KIF26B: variants seen among roughly 807,000 people sequenced by gnomAD.
The protein encoded by KIF26B is kinesin family member 26B, also known as kinesin-like protein KIF26B.
A neutral mutation model predicts 151.2 loss-of-function variants in KIF26B; 63 were observed. That is an observed-to-expected ratio of 0.42 (90% confidence interval 0.34 to 0.51). The LOEUF is 0.51. KIF26B is among the 20% of genes least tolerant of loss of function. The pLI, the probability that KIF26B is intolerant of heterozygous loss-of-function variation, is 0.07. For missense variants in KIF26B, 2,813 were observed against 2,913.6 expected (o/e 0.97, Z 0.79); for synonymous variants, 1,357 against 1,262.1 (o/e 1.08, Z -1.59).
intron 9 of KIF26B, among the ~76,000 whole-genome samples, chr1:245,635,492 A>G (rs959191258): frequency 6.6e-6 from 1 of 152,052 alleles, no homozygotes; most frequent in African/African-American, 2.4e-5. Context: ...GATATTGATC[A>G]TTTGTGTCTT....
chr1:245,501,940 A>G (rs958709147), intron 4 of KIF26B, among the ~76,000 whole-genome samples: 15 of 152,290 alleles, frequency 9.8e-5, no homozygotes, highest in African/African-American at 3.6e-4. Context: ...TACCATCTAT[A>G]TAATAATCTG....
Position 245,224,484 on chromosome 1 carries a change from C to T in KIF26B, c.465+67801C>T, listed in dbSNP as rs553993957. ...GACCAACTACAGTTATTCAGGTTTG[C>T]GTATGTGGCAGTGAAGCTGTCACTT... On this transcript the variant is annotated intron_variant, in intron 2 of 14. Transcript: ENST00000407071. 2.5e-4 allele frequency among the ~76,000 whole-genome samples: 38 copies of T among 152,288 alleles called. No individual in the cohort carries two copies. The South Asian group carries it at 7.3e-3, about 29-fold the overall frequency.
At chr1:245,548,277 T>C (rs1382859488) in intron 5 of KIF26B, among the ~76,000 whole-genome samples, 1 of 147,626 alleles carries the variant, frequency 6.8e-6, no homozygotes, top group African/African-American at 2.5e-5. Context: ...CACAATGTGG[T>C]TGAACTTAAA....
chr1:245,384,412 C>A (rs1673491110), intron 3 of KIF26B, among the ~76,000 whole-genome samples: 1 of 152,284 alleles, frequency 6.6e-6, no homozygotes, highest in South Asian at 2.1e-4. Flanking sequence ...AAATTATTCC[C>A]ATTTTAATTA....
chr1:245,579,813 A>C (rs1201187865), intron 5 of KIF26B, among the ~76,000 whole-genome samples: 1 of 151,404 alleles, frequency 6.6e-6, no homozygotes. Flanking sequence ...GCGCCATTGC[A>C]CTCCAGCCTG....
At chr1:245,450,957 A>G (rs990943834) in intron 4 of KIF26B, among the ~76,000 whole-genome samples, 3 of 152,210 alleles carry the variant, frequency 2.0e-5, no homozygotes, top group African/African-American at 7.2e-5. Context: ...CTAGATTTCA[A>G]CTGCTTTGGG....
intron 5 of KIF26B, among the ~76,000 whole-genome samples, chr1:245,587,652 G>A (rs2043242362): frequency 6.6e-6 from 1 of 152,204 alleles, no homozygotes; most frequent in South Asian, 2.1e-4. Flanking sequence ...AAATACAAAA[G>A]TGTAGTTTGT....
At chr1:245,280,172 G>T (rs1260559416) in intron 2 of KIF26B, among the ~76,000 whole-genome samples, 1 of 151,860 alleles carries the variant, frequency 6.6e-6, no homozygotes, top group African/African-American at 2.4e-5. Context: ...CCCCCTAACA[G>T]CAGTTAGTGT....
At chr1:245,217,389 G>T (rs1355851693) in intron 2 of KIF26B, among the ~76,000 whole-genome samples, 3 of 149,570 alleles carry the variant, frequency 2.0e-5, no homozygotes, top group Admixed American at 1.3e-4. Flanking sequence ...TTTTGAGACG[G>T]AGTCTCGCTC....
intron 5 of KIF26B, among the ~76,000 whole-genome samples, chr1:245,552,130 T>TGTGTGC (rs1261175681): frequency 1.8e-5 from 2 of 113,240 alleles, no homozygotes; most frequent in Admixed American, 1.8e-4. Flanking sequence ...AGGGTGTGTG[T>TGTGTGC]GTGTGTGTGT....
chr1:245,492,459 C>G (rs1346936739), intron 4 of KIF26B, among the ~76,000 whole-genome samples: 1 of 152,230 alleles, frequency 6.6e-6, no homozygotes, highest in Non-Finnish European at 1.5e-5. Context: ...ACCTCAGTTT[C>G]TCTTTGTGTA....
At chr1:245,298,832 C>T (rs148218355) in intron 2 of KIF26B, among the ~76,000 whole-genome samples, 4 of 152,306 alleles carry the variant, frequency 2.6e-5, no homozygotes, top group African/African-American at 9.6e-5. Context: ...GAACAGCCTC[C>T]GCTGCCCATG....
intron 9 of KIF26B, among the ~76,000 whole-genome samples, chr1:245,615,707 T>C (rs1384087085): frequency 6.6e-6 from 1 of 152,148 alleles, no homozygotes; most frequent in Non-Finnish European, 1.5e-5. Context: ...AATGTTTCAG[T>C]GGATGAGAAC....
At chr1:245,632,976 T>G (rs548108595) in intron 9 of KIF26B, among the ~76,000 whole-genome samples, 6 of 152,306 alleles carry the variant, frequency 3.9e-5, no homozygotes, top group African/African-American at 1.4e-4. Context: ...TCAAGCTCTT[T>G]AGCTCTAATG....
chr1:245,602,761 T>G lies in KIF26B; in HGVS notation c.1535T>G (p.Val512Gly). ...CCAAAGATGTTTGCCTTCGATGCAG[T>G]TTTTCCACAAGACGCTTCTCAGGTG... ...VPPKMFAFDA[V>G]FPQDASQAEV... Residue 512 changes from valine (V) to glycine (G), a missense_variant, in exon 6 of 15, where the codon GTT becomes GGT. Transcript: ENST00000407071. This position sits in a 1 kb window ranked among gnomAD's most constrained non-coding sequence, Gnocchi z 4.5. 1 of 1,613,766 alleles carries G rather than the reference T, an allele frequency of 6.2e-7. No individual in the cohort carries two copies. The highest frequency in any genetic ancestry group is 2.2e-5 in the East Asian group (1 of 44,880).
chr1:245,499,867 G>A (rs375337880), intron 4 of KIF26B, among the ~76,000 whole-genome samples: 16 of 152,206 alleles, frequency 1.1e-4, no homozygotes, highest in African/African-American at 3.1e-4. Context: ...TCATGGGTGC[G>A]AGGTACACAG....
intron 2 of KIF26B, among the ~76,000 whole-genome samples, chr1:245,257,067 G>C (rs1456577459): frequency 1.3e-5 from 2 of 152,130 alleles, no homozygotes; most frequent in African/African-American, 2.4e-5. Context: ...TGCATAATAA[G>C]AACCTTGGTT....
In KIF26B at chr1:245,352,454, G is replaced by A. The variant is rs1672587754; in HGVS notation, c.466-14380G>A. On this transcript the variant is annotated intron_variant, in intron 2 of 14. Coordinates refer to ENST00000407071, the MANE Select transcript of KIF26B (RefSeq NM_018012.4). This position sits in a 1 kb window ranked among gnomAD's most constrained non-coding sequence, Gnocchi z 5.0. Reference sequence around the variant, plus strand: ...AATTTTTGTATTTTCAGTAGAGATGGGTTTTCACAATGTTGGCCAGGTTGG... The same window carrying A: ...AATTTTTGTATTTTCAGTAGAGATGAGTTTTCACAATGTTGGCCAGGTTGG... Among the ~76,000 whole-genome samples, 1 of 152,108 alleles carries A rather than the reference G, an allele frequency of 6.6e-6. No homozygotes were observed. The highest frequency in any genetic ancestry group is 6.6e-5 in the Admixed American group (1 of 15,262).
chr1:245,647,909 T>A (rs149710407), intron 10 of KIF26B, among the ~76,000 whole-genome samples: 10 of 152,360 alleles, frequency 6.6e-5, no homozygotes, highest in Non-Finnish European at 1.3e-4. Context: ...TTCCCGGCTC[T>A]TGTAACAACC....
Sources: allele counts gnomAD v4.1 joint callset (sites outside exome capture counted in the v4.1 genomes callset), GRCh38; gene constraint gnomAD v4.1.1; non-coding constraint Gnocchi (gnomAD v3.1); transcripts MANE v1.5; gene names NCBI Gene and HGNC (gene_info 2026-07-23, HGNC 2026-07-21).